SLC9A9: variants seen among roughly 807,000 people sequenced by gnomAD.
SLC9A9 encodes the protein sodium/hydrogen exchanger 9.
A neutral mutation model predicts 77.8 loss-of-function variants in SLC9A9; 62 were observed. The ratio of observed to expected loss-of-function variants is 0.80; its 90% confidence interval spans 0.65 to 0.98. The LOEUF is 0.98. Among genes scored for constraint, SLC9A9 ranks in the 50% least tolerant of loss-of-function variants. The probability of loss-of-function intolerance (pLI) is 0.00; values close to 1 mark genes in which losing one functional copy is unlikely to be tolerated. For synonymous variants in SLC9A9, 320 were observed against 283.5 expected, an observed-to-expected ratio of 1.13 and a Z score of -1.29; for missense variants, 775 against 774.9, an observed-to-expected ratio of 1.00 and a Z score of 0.00.
At chr3:143,604,946 G>C (rs1294450428) in intron 6 of SLC9A9, among the ~76,000 whole-genome samples, 1 of 152,188 alleles carries the variant, frequency 6.6e-6, no homozygotes, top group Admixed American at 6.5e-5. Flanking sequence ...AAACAAGTTA[G>C]AGACTGAATT....
intron 14 of SLC9A9, among the ~76,000 whole-genome samples, chr3:143,337,900 G>A (rs1253746884): frequency 6.6e-6 from 1 of 152,174 alleles, no homozygotes; most frequent in African/African-American, 2.4e-5. Context: ...AGCTGGAGTG[G>A]CACCAGTCAT....
intron 12 of SLC9A9, among the ~76,000 whole-genome samples, chr3:143,382,701 C>A (rs10446326): frequency 1.3e-5 from 2 of 152,044 alleles, no homozygotes; most frequent in African/African-American, 4.8e-5. Context: ...AAAAAAATTA[C>A]ATATGTTTTT....
chr3:143,722,003 AT>A (rs892407446), intron 4 of SLC9A9, among the ~76,000 whole-genome samples: 1 of 152,186 alleles, frequency 6.6e-6, no homozygotes, highest in African/African-American at 2.4e-5. Flanking sequence ...TCAAGAAAAA[AT>A]TTTAAAAGTA....
Position 143,266,638 on chromosome 3 carries a change from C to A in SLC9A9, c.*64G>T, listed in dbSNP as rs1937729251. ...CCTCTCCCCTGTACTGCCTCATCAG[C>A]TTGGCTTGTATTCCTCAGTGAGTCT... On this transcript the variant is annotated 3_prime_UTR_variant, in exon 16 of 16. Coordinates refer to ENST00000316549, the MANE Select transcript of SLC9A9 (RefSeq NM_173653.4). 3 of 1,550,294 alleles carry A rather than the reference C, an allele frequency of 1.9e-6. No individual in the cohort carries two copies. In the South Asian group the frequency reaches 3.4e-5, roughly 18 times the overall value.
At chr3:143,450,649 C>G (rs2034990668) in intron 12 of SLC9A9, among the ~76,000 whole-genome samples, 1 of 152,156 alleles carries the variant, frequency 6.6e-6, no homozygotes, top group Non-Finnish European at 1.5e-5. Context: ...ACATGCCATC[C>G]TCCTTTCCTT....
intron 6 of SLC9A9, among the ~76,000 whole-genome samples, chr3:143,651,668 A>C (rs995178718): frequency 8.5e-5 from 13 of 152,214 alleles, no homozygotes; most frequent in African/African-American, 3.1e-4. Context: ...AAGGGGAGGT[A>C]AGGAAAGAGC....
At chr3:143,333,091 G>T (rs895709520) in intron 14 of SLC9A9, among the ~76,000 whole-genome samples, 10 of 152,124 alleles carry the variant, frequency 6.6e-5, no homozygotes. Context: ...TTCAAAACAA[G>T]GTCATCCTTA....
At chr3:143,604,850 G>A (rs2037896824) in intron 6 of SLC9A9, among the ~76,000 whole-genome samples, 1 of 152,140 alleles carries the variant, frequency 6.6e-6, no homozygotes, top group South Asian at 2.1e-4. Flanking sequence ...CAAGAAAGAA[G>A]CAATACTTTA....
Position 143,513,565 on chromosome 3 carries a change from A to T in SLC9A9, c.1090-18117T>A, listed in dbSNP as rs148567562. 5.9e-5 allele frequency among the ~76,000 whole-genome samples: 9 copies of T among 152,288 alleles called. No homozygotes were observed. The East Asian group carries it at 1.7e-3, about 29-fold the overall frequency. On this transcript the variant is annotated intron_variant, in intron 9 of 15. Transcript: ENST00000316549. ...TTTTGACCTCCTTTCATAAATCACAAATGTTCTTAATAGCATTTAGAATGG... is the reference window on the plus strand; with the variant it reads ...TTTTGACCTCCTTTCATAAATCACATATGTTCTTAATAGCATTTAGAATGG...
At chr3:143,679,844 T>C (rs1933023993) in intron 5 of SLC9A9, among the ~76,000 whole-genome samples, 1 of 152,042 alleles carries the variant, frequency 6.6e-6, no homozygotes. Context: ...TCAATAAGTA[T>C]ACTAAATACA....
At chr3:143,644,485 A>T (rs2038671916) in intron 6 of SLC9A9, among the ~76,000 whole-genome samples, 1 of 152,198 alleles carries the variant, frequency 6.6e-6, no homozygotes, top group South Asian at 2.1e-4. Context: ...GAACAGGGAC[A>T]TTAAGAGGTA....
At chr3:143,690,158 T>C (rs1933413835) in intron 5 of SLC9A9, among the ~76,000 whole-genome samples, 1 of 151,990 alleles carries the variant, frequency 6.6e-6, no homozygotes, top group South Asian at 2.1e-4. Context: ...TTAGTTATCA[T>C]ATTTTTAGTA....
At chr3:143,838,590 T>C (rs57082048) in intron 1 of SLC9A9, among the ~76,000 whole-genome samples, 1,838 of 152,258 alleles carry the variant, frequency 0.012, 39 homozygotes, top group African/African-American at 0.042. Context: ...GTTAACATCA[T>C]ATTTAGTCTA....
intron 9 of SLC9A9, among the ~76,000 whole-genome samples, chr3:143,503,077 T>C (rs76336852): frequency 0.011 from 1,733 of 152,344 alleles, 41 homozygotes; most frequent in African/African-American, 0.04. Context: ...TATTTTGGGC[T>C]GAGTACGGGG....
intron 6 of SLC9A9, among the ~76,000 whole-genome samples, chr3:143,650,069 G>A (rs777550769): frequency 6.6e-6 from 1 of 152,178 alleles, no homozygotes; most frequent in Non-Finnish European, 1.5e-5. Context: ...TGAAGGAAGA[G>A]TTGAAAGACT....
chr3:143,361,778 A>G (rs1477633937), intron 14 of SLC9A9, among the ~76,000 whole-genome samples: 1 of 152,224 alleles, frequency 6.6e-6, no homozygotes, highest in Non-Finnish European at 1.5e-5. Flanking sequence ...AAACTATGAC[A>G]TCATCTGAAT....
chr3:143,796,409 A>C (rs148891814), intron 3 of SLC9A9, among the ~76,000 whole-genome samples: 231 of 152,354 alleles, frequency 1.5e-3, no homozygotes, highest in African/African-American at 5.5e-3. Context: ...AGCTACATTA[A>C]AATGTTTTTA....
intron 12 of SLC9A9, among the ~76,000 whole-genome samples, chr3:143,406,547 GAC>G (rs894782332): frequency 6.6e-6 from 1 of 151,982 alleles, no homozygotes; most frequent in African/African-American, 2.4e-5. Context: ...TTTTAGTAAA[GAC>G]AGGGTTTCAC....
chr3:143,668,870 A>G (rs545982316), intron 5 of SLC9A9, among the ~76,000 whole-genome samples: 2 of 152,194 alleles, frequency 1.3e-5, no homozygotes, highest in Non-Finnish European at 2.9e-5. Flanking sequence ...AAAATAATAA[A>G]TTGAACAACA....
Sources: allele counts gnomAD v4.1 joint callset (sites outside exome capture counted in the v4.1 genomes callset), GRCh38; gene constraint gnomAD v4.1.1; transcripts MANE v1.5; gene names NCBI Gene and HGNC (gene_info 2026-07-23, HGNC 2026-07-21).